AXIN2: variants seen among roughly 807,000 people sequenced by gnomAD.
AXIN2 encodes axin 2, also known as axin-2.
A neutral mutation model predicts 74.7 loss-of-function variants in AXIN2; 21 were observed. The observed-to-expected ratio is 0.28, with a 90% CI of 0.20 to 0.40. AXIN2 has a LOEUF of 0.40. Ranked by LOEUF, AXIN2 falls within the 10% of genes least tolerant of loss-of-function variation. The pLI is 1.00. For missense variants in AXIN2, 1,144 were observed against 1,111.1 expected (o/e 1.03, Z -0.42); for synonymous variants, 532 against 454.9 (o/e 1.17, Z -2.16).
chr17:65,536,209 G>A (rs564270219), intron 8 of AXIN2, 111 bp downstream of exon 8: 3 of 1,092,336 alleles, frequency 2.7e-6, no homozygotes, highest in Admixed American at 2.0e-5. Flanking sequence ...TTCTTCTCAT[G>A]GGAGGGTTTG....
chr17:65,548,118 T>G (rs2044141359), intron 3 of AXIN2, among the ~76,000 whole-genome samples: 2 of 152,234 alleles, frequency 1.3e-5, no homozygotes, highest in Non-Finnish European at 2.9e-5. Flanking sequence ...ACTTCTCATA[T>G]CTCCATATTG....
At position 65,534,229 on chromosome 17, in the gene AXIN2, C is replaced by G. The variant is rs1199125023; in HGVS notation, c.2238-150G>C. On this transcript the variant is annotated intron_variant, in intron 9 of 10. Transcript: ENST00000307078. ...ACCCAAAGTGGGGGCTGGGGCAGAG[C>G]CCCACATCCCAGAGTCAGGCAGCTC... 7.3e-6 allele frequency: 7 copies of G among 956,974 alleles called. No homozygotes were observed. The Admixed American group carries it at 1.4e-4, about 19-fold the overall frequency. The allele number at this position is 956,974 out of a possible 1,614,324, so 59.3% of individuals were successfully genotyped here.
intron 7 of AXIN2, 106 bp downstream of exon 7, chr17:65,536,763 T>G (rs73346295): frequency 1.1e-5 from 17 of 1,516,906 alleles, no homozygotes; most frequent in South Asian, 4.5e-5. Context: ...CAGGAGCAAA[T>G]AGTCACATTT....
At chr17:65,538,414 T>C (rs2043983721) in intron 4 of AXIN2, 71 bp from the exon 5 acceptor site, 1 of 1,598,888 alleles carries the variant, frequency 6.3e-7, no homozygotes, top group South Asian at 1.1e-5. Flanking sequence ...TGGCCGGAGC[T>C]TCCCGCACCA....
At chr17:65,555,369 G>A (rs982265095) in intron 2 of AXIN2, among the ~76,000 whole-genome samples, 1 of 152,118 alleles carries the variant, frequency 6.6e-6, no homozygotes, top group Non-Finnish European at 1.5e-5. Context: ...CCTTAGATGG[G>A]ATCTCTACAT....
chr17:65,536,818 T>A, intron 7 of AXIN2, 51 bp downstream of exon 7: 3 of 1,609,476 alleles, frequency 1.9e-6, no homozygotes, highest in Non-Finnish European at 2.5e-6. Flanking sequence ...AATACCTCCG[T>A]ACTGAGTGCC....
chr17:65,555,318 G>A lies in AXIN2; in HGVS notation c.815+2488C>T, dbSNP rs918401041. On this transcript the variant is annotated intron_variant, in intron 2 of 10. Coordinates refer to ENST00000307078, the MANE Select transcript of AXIN2 (RefSeq NM_004655.4). ...CATCCCAGATGCCAGGTACTCTGCA[G>A]AATGAGTGAGTGTGCGGGAGAGGGA... is the stretch of plus-strand genomic sequence containing the variant. 2.0e-5 allele frequency among the ~76,000 whole-genome samples: 3 copies of A among 152,166 alleles called. No homozygotes were observed. The South Asian group carries it at 6.2e-4, about 32-fold the overall frequency.
At chr17:65,550,558 C>CA (rs1356202436) in intron 2 of AXIN2, among the ~76,000 whole-genome samples, 1 of 152,132 alleles carries the variant, frequency 6.6e-6, no homozygotes, top group Non-Finnish European at 1.5e-5. Flanking sequence ...CGGCAGGCTG[C>CA]ACGTTAAGGC....
intron 2 of AXIN2, among the ~76,000 whole-genome samples, chr17:65,555,428 G>C (rs1598116352): frequency 6.6e-6 from 1 of 152,146 alleles, no homozygotes; most frequent in Non-Finnish European, 1.5e-5. Flanking sequence ...AGAAAGTTGA[G>C]GCATGGGGGT....
In AXIN2 at chr17:65,529,716, A is replaced by G; in HGVS notation, c.*260T>C. 1.9e-6 allele frequency: 1 copy of G among 521,612 alleles called. No individual in the cohort carries two copies. Among genetic ancestry groups the G allele is most frequent in the African/African-American group, 1.9e-5 (1 of 52,666 alleles). 32.3% of individuals were successfully genotyped at this position (521,612 alleles called of 1,614,324 possible). A position where few individuals can be genotyped will look rare whatever the true frequency, so the allele number is the denominator to read the frequency against. Reference sequence around the variant, plus strand: ...GTATGGCAGTCTCTCAAATACAGGCAGCATCTTCAATAGCCAAGAGTGGTC... The same window carrying G: ...GTATGGCAGTCTCTCAAATACAGGCGGCATCTTCAATAGCCAAGAGTGGTC... On this transcript the variant is annotated 3_prime_UTR_variant, in exon 11 of 11. Transcript: ENST00000307078.
At chr17:65,535,753 G>A (rs1414520171) in intron 8 of AXIN2, 32 bp from the exon 9 acceptor site, 2 of 1,584,632 alleles carry the variant, frequency 1.3e-6, no homozygotes, top group Non-Finnish European at 1.7e-6. Flanking sequence ...GGGATTTAGA[G>A]GTACACTGTT....
Position 65,536,917 on chromosome 17 carries a change from C to G in AXIN2, c.1859G>C (p.Trp620Ser), listed in dbSNP as rs1567754854. ...CCGCTCACTCTCCAGCATCCACTGC[C>G]AGACATCCTGCGACCTGTCTCCTTC... ...REEGDRSQDV[W>S]QWMLESERQS... Residue 620 changes from tryptophan to serine, a missense_variant, in exon 7 of 11, where the codon TGG (tryptophan) becomes TCG (serine). Trp to Ser is a radical substitution (Grantham distance 177). Transcript: ENST00000307078. 1.2e-6 allele frequency: 2 copies of G among 1,613,712 alleles called. No homozygotes were observed. Among genetic ancestry groups the G allele is most frequent in the Non-Finnish European group, 1.7e-6 (2 of 1,180,000 alleles).
chr17:65,539,918 T>C (rs140373390), intron 4 of AXIN2, among the ~76,000 whole-genome samples: 188 of 152,346 alleles, frequency 1.2e-3, no homozygotes, highest in African/African-American at 3.9e-3. Flanking sequence ...TACAGCCATG[T>C]GCTGGCTGCT....
chr17:65,557,738 C>T, intron 2 of AXIN2, 68 bp downstream of exon 2: 1 of 1,491,648 alleles, frequency 6.7e-7, no homozygotes, highest in Admixed American at 1.7e-5. Flanking sequence ...CCCATCCACC[C>T]ATCCACCATA....
intron 5 of AXIN2, 28 bp from the exon 6 acceptor site, chr17:65,537,863 G>C: frequency 6.6e-7 from 1 of 1,522,142 alleles, no homozygotes; most frequent in South Asian, 1.3e-5. Context: ...AGAAGGAGAA[G>C]TGACCCAGGA....
intron 9 of AXIN2, 128 bp downstream of exon 9, chr17:65,535,498 A>C: frequency 1.2e-6 from 1 of 859,234 alleles, no homozygotes; most frequent in East Asian, 2.6e-5. Context: ...GTTCCTCATC[A>C]CTAGCGCTAA....
chr17:65,553,807 G>A (rs11869513), intron 2 of AXIN2, among the ~76,000 whole-genome samples: 4 of 143,860 alleles, frequency 2.8e-5, no homozygotes, highest in African/African-American at 1.0e-4. Flanking sequence ...TTAAGAAAAC[G>A]GAGTGGGGCT....
chr17:65,533,714 T>C (rs755174131), intron 10 of AXIN2, among the ~76,000 whole-genome samples, 198 bp downstream of exon 10: 5 of 152,140 alleles, frequency 3.3e-5, no homozygotes, highest in South Asian at 4.1e-4. Context: ...GCAGCCTCCC[T>C]CTTGCGGCTG....
chr17:65,560,416 G>A (rs1158675556), intron 1 of AXIN2: 2 of 146,930 alleles, frequency 1.4e-5, no homozygotes, highest in South Asian at 2.2e-4. Context: ...TGGGGCGGAG[G>A]AGAGGCGGGG....
Sources: allele counts gnomAD v4.1 joint callset (sites outside exome capture counted in the v4.1 genomes callset), GRCh38; gene constraint gnomAD v4.1.1; transcripts MANE v1.5; gene names NCBI Gene and HGNC (gene_info 2026-07-23, HGNC 2026-07-21).